Variants in ALK observed in about 807,000 individuals in gnomAD.
The protein encoded by ALK is ALK tyrosine kinase receptor.
A neutral mutation model predicts 163.1 loss-of-function variants in ALK; 74 were observed. The ratio of observed to expected loss-of-function variants is 0.45; its 90% CI spans 0.38 to 0.55. ALK has a LOEUF of 0.55. ALK is among the 20% of genes least tolerant of loss of function. The pLI, the probability that ALK is intolerant of heterozygous loss-of-function variation, is 0.00. For synonymous variants in ALK, 960 were observed against 843.2 expected (o/e 1.14, Z -2.40); for missense variants, 2,063 against 2,105.3 (o/e 0.98, Z 0.39).
chr2:29,216,732 GTTTGTGT>G (rs1297268325), intron 23 of ALK, among the ~76,000 whole-genome samples: 4 of 148,572 alleles, frequency 2.7e-5, no homozygotes, highest in African/African-American at 9.9e-5. Context: ...GTGTATATGT[GTTTGTGT>G]TTTGTGTACG....
chr2:29,440,068 C>T (rs1250358931), intron 4 of ALK, among the ~76,000 whole-genome samples: 4 of 151,284 alleles, frequency 2.6e-5, no homozygotes, highest in Non-Finnish European at 5.9e-5. Flanking sequence ...CCCGTCTCTA[C>T]TAAAGAAAAA....
chr2:29,619,584 G>C (rs577155016), intron 3 of ALK, among the ~76,000 whole-genome samples: 26 of 152,292 alleles, frequency 1.7e-4, no homozygotes, highest in African/African-American at 6.0e-4. Flanking sequence ...AAGCAGCACT[G>C]CCGGCCCTCA....
intron 11 of ALK, among the ~76,000 whole-genome samples, chr2:29,257,433 A>G (rs1414840830): frequency 6.6e-6 from 1 of 152,158 alleles, no homozygotes; most frequent in African/African-American, 2.4e-5. Flanking sequence ...AGCACCCTCC[A>G]AGAAGAAACA....
intron 4 of ALK, among the ~76,000 whole-genome samples, chr2:29,416,882 T>C (rs1248510899): frequency 2.0e-5 from 3 of 151,640 alleles, no homozygotes; most frequent in Non-Finnish European, 4.4e-5. Flanking sequence ...ATCACCAGCA[T>C]CTGGCTCAAT....
intron 1 of ALK, among the ~76,000 whole-genome samples, chr2:29,828,419 T>C (rs1352114877): frequency 6.6e-6 from 1 of 152,244 alleles, no homozygotes; most frequent in Non-Finnish European, 1.5e-5. Flanking sequence ...TCTACTCATC[T>C]GACAGAGGGC....
At chr2:29,730,668 T>A (rs983955178) in intron 1 of ALK, among the ~76,000 whole-genome samples, 2 of 152,182 alleles carry the variant, frequency 1.3e-5, no homozygotes, top group Non-Finnish European at 1.5e-5. Context: ...TTTTTTCATA[T>A]CATGACACAC....
At position 29,267,769 on chromosome 2, in the gene ALK, T is replaced by A. The variant is rs150609411; in HGVS notation, c.2041+7330A>T. Among the ~76,000 whole-genome samples, 103 of 152,278 alleles carry A rather than the reference T, an allele frequency of 6.8e-4. 3 individuals are homozygous for A. The East Asian group carries it at 0.014, about 21-fold the overall frequency. On this transcript the variant is annotated intron_variant, in intron 11 of 28. Coordinates refer to ENST00000389048, the MANE Select transcript of ALK (RefSeq NM_004304.5). ...TTCTTTGTCCAAAACCACTGAAGCT[T>A]TGCTGCAACAAGCAGAGAGCTAAAT...
At chr2:29,772,798 A>G (rs945779847) in intron 1 of ALK, among the ~76,000 whole-genome samples, 2 of 152,238 alleles carry the variant, frequency 1.3e-5, no homozygotes, top group African/African-American at 4.8e-5. Flanking sequence ...ACTTAAAGAA[A>G]GAATGAATCT....
chr2:29,446,055 C>T (rs1305740182), intron 4 of ALK, among the ~76,000 whole-genome samples: 4 of 135,978 alleles, frequency 2.9e-5, no homozygotes, highest in Admixed American at 1.5e-4. Context: ...GCCGAGATCC[C>T]GCCACTGCAC....
chr2:29,672,182 T>C (rs1031075792), intron 3 of ALK, among the ~76,000 whole-genome samples: 2 of 151,810 alleles, frequency 1.3e-5, no homozygotes, highest in Non-Finnish European at 2.9e-5. Context: ...TTTTTTTTTC[T>C]TTTATTATTA....
intron 3 of ALK, among the ~76,000 whole-genome samples, chr2:29,692,059 T>C (rs1486267382): frequency 6.6e-6 from 1 of 152,184 alleles, no homozygotes; most frequent in Non-Finnish European, 1.5e-5. Context: ...TAAGTCTGAA[T>C]GGGAGTAAGT....
intron 4 of ALK, among the ~76,000 whole-genome samples, chr2:29,449,069 T>C (rs1208598219): frequency 6.6e-6 from 1 of 152,212 alleles, no homozygotes; most frequent in Non-Finnish European, 1.5e-5. Flanking sequence ...AATCTTTCTT[T>C]GCATGACAAT....
intron 23 of ALK, among the ~76,000 whole-genome samples, chr2:29,219,410 A>G (rs755857576): frequency 6.6e-6 from 1 of 152,200 alleles, no homozygotes; most frequent in Middle Eastern, 3.2e-3. Flanking sequence ...CAGGGCTTCC[A>G]TCACCACTTT....
Position 29,233,696 on chromosome 2 carries a change from T to C in ALK, c.2356A>G (p.Thr786Ala), listed in dbSNP as rs375227499. 1.9e-6 allele frequency: 3 copies of C among 1,614,258 alleles called. No individual in the cohort carries two copies. Among genetic ancestry groups the C allele is most frequent in the Non-Finnish European group, 1.7e-6 (2 of 1,180,050 alleles). The change falls in exon 14 of 29, where the codon ACA becomes GCA. Residue 786 changes from threonine (T) to alanine (A), a missense_variant and splice_region_variant. By Grantham distance (58) the Thr-to-Ala change is moderately conservative (BLOSUM62 0). Transcript: ENST00000389048. ...GQQGEDACPS[T>A]NQLIQKVCIG... ...CAGACTTTCTGGATTAACTGGTTTG[T>C]CTGTAGAAACAAAAAGCACGTTAGG...
intron 1 of ALK, among the ~76,000 whole-genome samples, chr2:29,786,280 C>A (rs759814501): frequency 5.3e-5 from 8 of 152,152 alleles, no homozygotes; most frequent in Non-Finnish European, 1.0e-4. Flanking sequence ...AGGAGATCCT[C>A]CCATAGCCCT....
chr2:29,303,980 T>G (rs1296130967), intron 8 of ALK, among the ~76,000 whole-genome samples: 3 of 152,236 alleles, frequency 2.0e-5, no homozygotes, highest in Non-Finnish European at 2.9e-5. Flanking sequence ...ACCCCAGCAT[T>G]ATGCTATTGC....
intron 4 of ALK, among the ~76,000 whole-genome samples, chr2:29,468,729 C>G (rs62131816): frequency 0.26 from 39,140 of 151,084 alleles, 5,879 homozygotes; most frequent in Non-Finnish European, 0.34. Context: ...CAGCATGTGC[C>G]TGTGGTCCCA....
chr2:29,856,077 G>A (rs185139404), intron 1 of ALK, among the ~76,000 whole-genome samples: 12 of 152,272 alleles, frequency 7.9e-5, no homozygotes, highest in Admixed American at 7.2e-4. Flanking sequence ...GATGTGAGGT[G>A]ACTGCCTGAT....
intron 1 of ALK, among the ~76,000 whole-genome samples, chr2:29,763,668 C>T (rs2631947): frequency 0.67 from 102,466 of 152,034 alleles, 40,573 homozygotes; most frequent in Non-Finnish European, 0.88. Context: ...CAGGCTATAG[C>T]GAGGATTGAG....
Sources: gnomAD v4.1 joint callset for allele counts (sites outside exome capture counted in the v4.1 genomes callset) on GRCh38, gnomAD v4.1.1 for gene constraint, MANE v1.5 for transcripts, NCBI Gene and HGNC (gene_info 2026-07-23, HGNC 2026-07-21) for gene names.